DICER1: variants seen among roughly 807,000 people sequenced by gnomAD.
DICER1 encodes the protein dicer 1, ribonuclease III.
A neutral mutation model predicts 194.1 loss-of-function variants in DICER1; 43 were observed. That is an observed-to-expected ratio of 0.22 (90% CI 0.17 to 0.29). DICER1 has a LOEUF of 0.29. Among genes scored for constraint, DICER1 ranks in the 10% least tolerant of loss-of-function variants. The pLI, the probability that DICER1 is intolerant of heterozygous loss-of-function variation, is 1.00. For synonymous variants in DICER1, 832 were observed against 820.5 expected (o/e 1.01, Z -0.24); for missense variants, 1,608 against 2,317.0 (o/e 0.69, Z 6.28).
intron 26 of DICER1, 129 bp from the exon 27 acceptor site, chr14:95,090,792 G>A (rs1457015931): frequency 9.3e-6 from 11 of 1,188,460 alleles, no homozygotes; most frequent in South Asian, 2.5e-5. Flanking sequence ...GGAAACACGC[G>A]TTACGACTTA....
upstream of DICER1, chr14:95,157,543 C>A (rs1439207746): frequency 6.6e-6 from 1 of 152,560 alleles, no homozygotes; most frequent in African/African-American, 2.4e-5. Context: ...TCCCGCACCG[C>A]CCCTCCGCGC....
chr14:95,088,374 G>GT lies in DICER1; in HGVS notation c.*2123dup, dbSNP rs1889508872. ...AGAATCCCGTAACACTGGGATCAATGTATTAGACACAATGCAAAGCCCTAA... is the reference window on the plus strand; with the variant it reads ...AGAATCCCGTAACACTGGGATCAATGTTATTAGACACAATGCAAAGCCCTAA... On this transcript the variant is annotated 3_prime_UTR_variant, in exon 27 of 27. Transcript: ENST00000343455. The GT allele has an allele frequency of 4.3e-6, 1 of 232,376 alleles. No homozygotes were observed. Among genetic ancestry groups the GT allele is most frequent in the Non-Finnish European group, 8.5e-6 (1 of 117,376 alleles). 14.4% of individuals were successfully genotyped at this position (232,376 alleles called of 1,614,324 possible). A position where few individuals can be genotyped will look rare whatever the true frequency, so the allele number is the denominator to read the frequency against.
chr14:95,115,692 T>C lies in DICER1; in HGVS notation c.1882A>G (p.Asn628Asp). ...PDDGGPRVTI[N>D]TAIGHINRYC... ...CTATTGATGTGTCCAATGGCCGTGT[T>C]GATTGTGACTCGTGGACCACCATCG... is the stretch of plus-strand genomic sequence containing the variant. Residue 628 changes from asparagine (N) to aspartate (D), a missense_variant, in exon 11 of 27, where the codon AAC becomes GAC. Coordinates refer to ENST00000343455, the MANE Select transcript of DICER1 (RefSeq NM_177438.3). 2 of 1,614,172 alleles carry C rather than the reference T, an allele frequency of 1.2e-6. No homozygotes were observed. Among genetic ancestry groups the C allele is most frequent in the African/African-American group, 1.3e-5 (1 of 75,034 alleles).
chr14:95,124,788 A>C lies in DICER1; in HGVS notation c.904-120T>G, dbSNP rs1220943183. The C allele has an allele frequency of 2.4e-6, 2 of 843,962 alleles. No individual in the cohort carries two copies. Among genetic ancestry groups the C allele is most frequent in the East Asian group, 5.2e-5 (2 of 38,236 alleles). 52.3% of individuals were successfully genotyped at this position (843,962 alleles called of 1,614,324 possible). A position where few individuals can be genotyped will look rare whatever the true frequency, so the allele number is the denominator to read the frequency against. On this transcript the variant is annotated intron_variant, in intron 7 of 26. Coordinates refer to ENST00000343455, the MANE Select transcript of DICER1 (RefSeq NM_177438.3). The surrounding 1 kb of genome is among the most constrained non-coding windows in gnomAD (Gnocchi z 4.5). ...GGCTCCTTAAATGTAACCCAGCCTT[A>C]GGTTAAGTCCCTGAAGGTGGGGGGA...
At chr14:95,098,205 C>A (rs1890539236) in intron 22 of DICER1, among the ~76,000 whole-genome samples, 1 of 152,170 alleles carries the variant, frequency 6.6e-6, no homozygotes, top group South Asian at 2.1e-4. Flanking sequence ...GGTTCTGTCT[C>A]ATAAAATGTT....
At chr14:95,146,982 G>C (rs987788735) in intron 1 of DICER1, among the ~76,000 whole-genome samples, 3 of 152,124 alleles carry the variant, frequency 2.0e-5, no homozygotes, top group African/African-American at 7.2e-5. Context: ...AAGGAGGTGA[G>C]AGAAAATTAG....
At chr14:95,112,092 C>A (rs534812373) in intron 13 of DICER1, 80 bp downstream of exon 13, 1 of 1,232,260 alleles carries the variant, frequency 8.1e-7, no homozygotes, top group African/African-American at 1.5e-5. Context: ...CCTTACAGAT[C>A]TATAAAGTCC....
Position 95,095,944 on chromosome 14 carries a change from A to C in DICER1, c.4976T>G (p.Leu1659Arg). The C allele has an allele frequency of 6.2e-7, 1 of 1,614,222 alleles. No homozygotes were observed. The highest frequency in any genetic ancestry group is 2.2e-5 in the East Asian group (1 of 44,894). Residue 1659 changes from leucine to arginine, a missense_variant, in exon 23 of 27, where the codon CTG becomes CGG. Transcript: ENST00000343455. ...MFDHPDADKT[L>R]NHLISGFENF... is the part of the protein sequence containing the mutation. Reference sequence around the variant, plus strand: ...TTCAAACCCCGATATAAGGTGATTCAGTGTTTTATCTGCATCTGGATGATC... The same window carrying C: ...TTCAAACCCCGATATAAGGTGATTCCGTGTTTTATCTGCATCTGGATGATC...
In DICER1 at chr14:95,087,512, T is replaced by A. The variant is rs1341823933; in HGVS notation, c.*2986A>T. On this transcript the variant is annotated 3_prime_UTR_variant, in exon 27 of 27. Transcript: ENST00000343455. ...AATTATCTTTTTCAAATTCCATAAA[T>A]CAAAACAGCAGCAAGGCCAAACCAC... The A allele has an allele frequency of 4.3e-6, 1 of 232,928 alleles. No homozygotes were observed. The highest frequency in any genetic ancestry group is 8.5e-6 in the Non-Finnish European group (1 of 117,978). 14.4% of individuals were successfully genotyped at this position (232,928 alleles called of 1,614,324 possible). A position where few individuals can be genotyped will look rare whatever the true frequency, so the allele number is the denominator to read the frequency against.
intron 22 of DICER1, among the ~76,000 whole-genome samples, chr14:95,098,400 CCA>C (rs1890557541): frequency 6.6e-6 from 1 of 152,134 alleles, no homozygotes; most frequent in East Asian, 1.9e-4. Context: ...CCAGCCAAAA[CCA>C]CAGTGTATCT....
intron 8 of DICER1, among the ~76,000 whole-genome samples, chr14:95,119,949 T>C (rs1892798178): frequency 6.6e-6 from 1 of 152,228 alleles, no homozygotes; most frequent in Admixed American, 6.5e-5. Flanking sequence ...ATACTTTGTG[T>C]GTATATGTAC....
rs1889621069 is a variant in DICER1 at position 95,089,694 on chromosome 14, G to A, written c.*804C>T. ...ATGACAGAAATTTTAGTATGATCCT[G>A]TAATAAGTTACAACTATACTAGTGA... On this transcript the variant is annotated 3_prime_UTR_variant, in exon 27 of 27. Transcript: ENST00000343455. The A allele has an allele frequency of 4.3e-6, 1 of 231,494 alleles. No homozygotes were observed. Among genetic ancestry groups the A allele is most frequent in the South Asian group, 1.8e-4 (1 of 5,512 alleles). The allele number at this position is 231,494 out of a possible 1,614,324, so 14.3% of individuals were successfully genotyped here.
chr14:95,137,363 A>C (rs185037956), intron 1 of DICER1, among the ~76,000 whole-genome samples: 2 of 124,256 alleles, frequency 1.6e-5, no homozygotes, highest in Admixed American at 7.5e-5. Context: ...AGAGGAAGGA[A>C]AAGGGAAGGG....
At chr14:95,109,718 T>G (rs1431099442) in intron 14 of DICER1, among the ~76,000 whole-genome samples, 2 of 152,212 alleles carry the variant, frequency 1.3e-5, no homozygotes, top group South Asian at 4.1e-4. Context: ...AAGTAAAAAC[T>G]TGGTAAAACT....
intron 1 of DICER1, among the ~76,000 whole-genome samples, chr14:95,136,071 G>C (rs1018738655): frequency 3.0e-5 from 4 of 133,058 alleles, no homozygotes; most frequent in Non-Finnish European, 4.8e-5. Flanking sequence ...TACAGAAAAA[G>C]AATCTACATG....
chr14:95,117,561 G>C (rs2140136324), intron 9 of DICER1, 61 bp downstream of exon 9: 1 of 1,563,576 alleles, frequency 6.4e-7, no homozygotes, highest in Non-Finnish European at 8.8e-7. Flanking sequence ...AGACCCTATG[G>C]GCACTTTGTC....
At chr14:95,110,004 A>T (rs1891812445) in intron 14 of DICER1, among the ~76,000 whole-genome samples, 1 of 152,218 alleles carries the variant, frequency 6.6e-6, no homozygotes, top group South Asian at 2.1e-4. Flanking sequence ...TATATGCTGT[A>T]AGTCCTCACT....
Position 95,105,178 on chromosome 14 carries a change from G to T in DICER1, c.3162C>A (p.Leu1054=). ...AGTGAAGGCGATAAAGTATGCTGGG[G>T]AGACAAACAGCTTTTCTCCACAGTG... is the stretch of plus-strand genomic sequence containing the variant. ...PASLWRKAVC[L]PSILYRLHCL... Residue 1054 remains leucine, a synonymous_variant, in exon 20 of 27, where the codon CTC becomes CTA. Coordinates refer to ENST00000343455, the MANE Select transcript of DICER1 (RefSeq NM_177438.3). This position sits in a 1 kb window ranked among gnomAD's most constrained non-coding sequence, Gnocchi z 4.9. 1 of 1,614,076 alleles carries T rather than the reference G, an allele frequency of 6.2e-7. No individual in the cohort carries two copies. Among genetic ancestry groups the T allele is most frequent in the East Asian group, 2.2e-5 (1 of 44,874 alleles).
In DICER1 at chr14:95,129,648, A is replaced by T. The variant is rs765032297; in HGVS notation, c.574-16T>A. 2 of 1,607,600 alleles carry T rather than the reference A, an allele frequency of 1.2e-6. No individual in the cohort carries two copies. Among genetic ancestry groups the T allele is most frequent in the South Asian group, 2.2e-5 (2 of 91,042 alleles). ...TTTCACAGAGCTAACATAATAAAAG[A>T]TACTGACAGTAAAGACTTCATTTTG... On this transcript the variant is annotated splice_polypyrimidine_tract_variant and intron_variant, in intron 5 of 26. Transcript: ENST00000343455.
Sources: gnomAD v4.1 joint callset for allele counts (sites outside exome capture counted in the v4.1 genomes callset) on GRCh38, gnomAD v4.1.1 for gene constraint, Gnocchi (gnomAD v3.1) non-coding constraint, MANE v1.5 for transcripts, NCBI Gene and HGNC (gene_info 2026-07-23, HGNC 2026-07-21) for gene names.